The following GRID2 variants were observed in gnomAD, a reference collection of about 807,000 sequenced individuals.
GRID2 encodes the protein glutamate receptor ionotropic, delta-2.
A neutral mutation model predicts 114.8 loss-of-function variants in GRID2; 33 were observed. The ratio of observed to expected loss-of-function variants is 0.29; its 90% CI spans 0.22 to 0.38. The LOEUF (loss-of-function observed/expected upper bound fraction) is 0.38. Ranked by LOEUF, GRID2 falls within the 10% of genes least tolerant of loss-of-function variation. The pLI is 1.00. For synonymous variants in GRID2, 505 were observed against 449.9 expected (o/e 1.12, Z -1.55); for missense variants, 1,184 against 1,257.7 (o/e 0.94, Z 0.89).
intron 1 of GRID2, among the ~76,000 whole-genome samples, chr4:92,492,938 G>T (rs1723212158): frequency 6.6e-6 from 1 of 151,790 alleles, no homozygotes; most frequent in South Asian, 2.1e-4. Flanking sequence ...AGATTAACCT[G>T]GCCAACATGG....
intron 8 of GRID2, among the ~76,000 whole-genome samples, chr4:93,297,941 T>C (rs1334294070): frequency 6.6e-6 from 1 of 152,200 alleles, no homozygotes; most frequent in Non-Finnish European, 1.5e-5. Flanking sequence ...CTTTTGCTTT[T>C]TTTCTATACT....
At chr4:93,135,824 A>G (rs1369582481) in intron 4 of GRID2, among the ~76,000 whole-genome samples, 1 of 152,210 alleles carries the variant, frequency 6.6e-6, no homozygotes. Context: ...GAAAGAAGTC[A>G]TGATGGTGTT....
chr4:93,189,510 G>A (rs1450774542), intron 4 of GRID2, among the ~76,000 whole-genome samples: 7 of 152,170 alleles, frequency 4.6e-5, no homozygotes, highest in African/African-American at 1.7e-4. Flanking sequence ...TTTCAACACA[G>A]GAATTTTGGA....
chr4:93,784,960 G>C (rs773434994), intron 1 of GRID2, among the ~76,000 whole-genome samples: 11 of 152,216 alleles, frequency 7.2e-5, no homozygotes, highest in Non-Finnish European at 1.5e-4. Context: ...AGGCAATAGA[G>C]TATCTTCATA....
In GRID2 at chr4:93,533,317, CTTTCCTTT is replaced by C. The variant is rs1731690565; in HGVS notation, c.2193+17907_2193+17914del. ...TCCTTCCTTCCTTCCTTCCTTCCTT[CTTTCCTTT>C]CTTCCTTTCTTTCTTGCCCTCCCTC... On this transcript the variant is annotated intron_variant, in intron 13 of 15. Coordinates refer to ENST00000282020, the MANE Select transcript of GRID2 (RefSeq NM_001510.4). Among the ~76,000 whole-genome samples the C allele has an allele frequency of 2.9e-5, 3 of 103,364 alleles. No homozygotes were observed. The Admixed American group carries it at 3.3e-4, about 12-fold the overall frequency. 67.8% of individuals were successfully genotyped at this position (103,364 alleles called of 152,430 possible).
chr4:92,431,484 G>C (rs1049525707), intron 1 of GRID2, among the ~76,000 whole-genome samples: 1 of 151,324 alleles, frequency 6.6e-6, no homozygotes, highest in African/African-American at 2.4e-5. Flanking sequence ...TTAATATATT[G>C]TTGAATTTAC....
chr4:93,454,261 G>A (rs910208257), intron 10 of GRID2, among the ~76,000 whole-genome samples: 2 of 151,842 alleles, frequency 1.3e-5, no homozygotes, highest in Non-Finnish European at 2.9e-5. Flanking sequence ...AAATTTCCTA[G>A]AACCAATTAC....
chr4:92,602,487 T>C (rs926271087), intron 2 of GRID2, among the ~76,000 whole-genome samples: 1 of 152,146 alleles, frequency 6.6e-6, no homozygotes, highest in Non-Finnish European at 1.5e-5. Context: ...GAAAAGGAAT[T>C]TGATAAAATC....
intron 13 of GRID2, among the ~76,000 whole-genome samples, chr4:93,578,810 GTC>G (rs1211336940): frequency 6.6e-6 from 1 of 152,024 alleles, no homozygotes; most frequent in Non-Finnish European, 1.5e-5. Context: ...AGTCAGGTTG[GTC>G]TCGATCTCCT....
At chr4:92,475,870 G>A (rs1332815744) in intron 1 of GRID2, among the ~76,000 whole-genome samples, 2 of 151,756 alleles carry the variant, frequency 1.3e-5, no homozygotes, top group Non-Finnish European at 2.9e-5. Context: ...TCGGTTTACA[G>A]ATCTTTTACC....
At chr4:93,226,171 A>T (rs1387784262) in intron 7 of GRID2, among the ~76,000 whole-genome samples, 1 of 152,186 alleles carries the variant, frequency 6.6e-6, no homozygotes, top group Non-Finnish European at 1.5e-5. Context: ...TATAAAATAT[A>T]TTCATTCTAT....
chr4:92,493,630 A>G (rs1213408338), intron 1 of GRID2, among the ~76,000 whole-genome samples: 1 of 152,206 alleles, frequency 6.6e-6, no homozygotes, highest in Non-Finnish European at 1.5e-5. Context: ...ATAAAATTTT[A>G]AATCTAATTA....
chr4:92,627,096 A>G (rs145152528), intron 2 of GRID2, among the ~76,000 whole-genome samples: 28 of 152,202 alleles, frequency 1.8e-4, no homozygotes, highest in Non-Finnish European at 3.7e-4. Context: ...GACATTTTGC[A>G]GAATCAACAA....
chr4:92,903,341 G>C (rs138540560), intron 2 of GRID2, among the ~76,000 whole-genome samples: 1 of 151,754 alleles, frequency 6.6e-6, no homozygotes, highest in Non-Finnish European at 1.5e-5. Flanking sequence ...TTATAAAATT[G>C]CAAAGTAAGT....
Position 92,546,481 on chromosome 4 carries a change from C to T in GRID2, c.89-43650C>T, listed in dbSNP as rs113851565. ...TCTATTATTATTTTTTCTTTCACCA[C>T]GTGACCTTATGTTGTTCGGTAACTA... On this transcript the variant is annotated intron_variant, in intron 1 of 15. Coordinates refer to ENST00000282020, the MANE Select transcript of GRID2 (RefSeq NM_001510.4). Among the ~76,000 whole-genome samples, 767 of 152,234 alleles carry T rather than the reference C, an allele frequency of 5.0e-3. 3 individuals carry two copies. The highest frequency in any genetic ancestry group is 0.018 in the African/African-American group (743 of 41,540).
rs1249318485 is a variant in GRID2 at position 93,769,290 on chromosome 4, A to G, written c.2441A>G (p.Tyr814Cys). ...CCTAAGAATGGCCAGTGTGACCTGT[A>G]CTCGTCAGTGGACACAAAGCAGAAA... ...WWPKNGQCDL[Y>C]SSVDTKQKGG... The change falls in exon 15 of 16, where the codon TAC becomes TGC. Residue 814 changes from tyrosine (Y) to cysteine (C), a missense_variant. Physicochemically the swap from Tyr to Cys is radical, Grantham distance 194. This residue lies in a region of GRID2 where 717 missense variants were observed against 796.9 expected (regional missense o/e 0.90). Transcript: ENST00000282020. 2 of 1,614,056 alleles carry G rather than the reference A, an allele frequency of 1.2e-6. No individual in the cohort carries two copies. The highest frequency in any genetic ancestry group is 1.7e-5 in the Admixed American group (1 of 60,010).
intron 1 of GRID2, among the ~76,000 whole-genome samples, chr4:92,434,685 C>T (rs1180137146): frequency 6.6e-6 from 1 of 151,840 alleles, no homozygotes; most frequent in Non-Finnish European, 1.5e-5. Context: ...GTTTAAATAA[C>T]TTCTAATATA....
At chr4:93,189,778 CACACA>C (rs1451512203) in intron 4 of GRID2, among the ~76,000 whole-genome samples, 1 of 45,304 alleles carries the variant, frequency 2.2e-5, no homozygotes, top group Non-Finnish European at 4.9e-5. Flanking sequence ...CCACACCACA[CACACA>C]CACACACACA....
Position 92,970,699 on chromosome 4 carries a change from A to G in GRID2, c.245-114296A>G, listed in dbSNP as rs1437024781. 3.3e-5 allele frequency among the ~76,000 whole-genome samples: 5 copies of G among 151,950 alleles called. No individual in the cohort carries two copies. In the East Asian group the frequency reaches 5.8e-4, roughly 18 times the overall value. ...TTTAGAAATAATTTTGTTAAATTCC[A>G]TTAGTGCACTGATATAAAGCTAACT... is the stretch of plus-strand genomic sequence containing the variant. On this transcript the variant is annotated intron_variant, in intron 2 of 15. Transcript: ENST00000282020.
Sources: allele counts gnomAD v4.1 joint callset (sites outside exome capture counted in the v4.1 genomes callset), GRCh38; gene constraint gnomAD v4.1.1; regional missense constraint gnomAD v4.1.1; transcripts MANE v1.5; gene names NCBI Gene and HGNC (gene_info 2026-07-23, HGNC 2026-07-21).